Variants in MAGI1 observed in about 807,000 individuals in gnomAD.
MAGI1 encodes membrane associated guanylate kinase, WW and PDZ domain containing 1, also known as membrane-associated guanylate kinase, WW and PDZ domain-containing protein 1.
Under a neutral mutation model 139.9 loss-of-function variants are expected in MAGI1, and 58 were observed. The observed-to-expected ratio is 0.41, with a 90% CI of 0.34 to 0.52. MAGI1 has a LOEUF of 0.52. Ranked by LOEUF, MAGI1 falls within the 20% of genes least tolerant of loss-of-function variation. The pLI, the probability that MAGI1 is intolerant of heterozygous loss-of-function variation, is 0.12. For missense variants in MAGI1, 1,874 were observed against 1,901.6 expected (o/e 0.99, Z 0.27); for synonymous variants, 812 against 737.9 (o/e 1.10, Z -1.63).
At chr3:66,016,080 T>G (rs1055488788) in intron 1 of MAGI1, among the ~76,000 whole-genome samples, 3 of 151,980 alleles carry the variant, frequency 2.0e-5, no homozygotes, top group Non-Finnish European at 4.4e-5. Flanking sequence ...AAACCCAGAG[T>G]GTTAAAACAG....
chr3:65,505,609 T>C (rs2077251068), intron 2 of MAGI1, among the ~76,000 whole-genome samples: 1 of 150,242 alleles, frequency 6.7e-6, no homozygotes, highest in African/African-American at 2.4e-5. Flanking sequence ...ATCGTGCCAC[T>C]GCACTCCAGC....
chr3:65,691,308 A>AAAAAAAAAAAAAAAAAAAAATT (rs1383101472), intron 1 of MAGI1, among the ~76,000 whole-genome samples: 45 of 135,002 alleles, frequency 3.3e-4, no homozygotes, highest in Non-Finnish European at 6.7e-4. Flanking sequence ...GTCTCAAAAA[A>AAAAAAAAAAAAAAAAAAAAATT]AAAAAAAGAA....
intron 1 of MAGI1, among the ~76,000 whole-genome samples, chr3:65,702,921 A>C (rs1388038620): frequency 2.0e-5 from 3 of 151,986 alleles, no homozygotes; most frequent in Non-Finnish European, 4.4e-5. Context: ...GGTGGTGAGA[A>C]ACCGTCTTCC....
At chr3:65,980,945 G>A (rs941415763) in intron 1 of MAGI1, among the ~76,000 whole-genome samples, 2 of 152,040 alleles carry the variant, frequency 1.3e-5, no homozygotes, top group African/African-American at 4.8e-5. Context: ...GATCACTTGA[G>A]GTCAGGAGTT....
intron 10 of MAGI1, among the ~76,000 whole-genome samples, chr3:65,434,475 T>G (rs572531913): frequency 2.6e-5 from 4 of 152,146 alleles, no homozygotes; most frequent in East Asian, 1.9e-4. Flanking sequence ...TTGCTAAGAT[T>G]AGAAGTACAC....
chr3:65,506,920 C>A (rs933238328), intron 2 of MAGI1, among the ~76,000 whole-genome samples: 1 of 152,166 alleles, frequency 6.6e-6, no homozygotes, highest in African/African-American at 2.4e-5. Flanking sequence ...CAAATACATT[C>A]GTTCTCAGTT....
rs937946441 is a variant in MAGI1 at position 65,994,868 on chromosome 3, C to T, written c.313+43128G>A. On this transcript the variant is annotated intron_variant, in intron 1 of 22. Coordinates refer to ENST00000402939, the MANE Select transcript of MAGI1 (RefSeq NM_001033057.2). Reference sequence around the variant, plus strand: ...AGCCAACAGCTGACTGTAACTTACACACATCAATGAATGAACAAACTTCAA... The same window carrying T: ...AGCCAACAGCTGACTGTAACTTACATACATCAATGAATGAACAAACTTCAA... Among the ~76,000 whole-genome samples the T allele has an allele frequency of 3.3e-5, 5 of 152,238 alleles. No homozygotes were observed. The South Asian group carries it at 1.0e-3, about 32-fold the overall frequency.
chr3:65,481,208 G>T, intron 3 of MAGI1, among the ~76,000 whole-genome samples: 1 of 152,156 alleles, frequency 6.6e-6, no homozygotes. Flanking sequence ...ACAGGCGCTA[G>T]AATTGAGTCG....
intron 2 of MAGI1, among the ~76,000 whole-genome samples, chr3:65,541,359 C>A (rs1041616391): frequency 1.3e-5 from 2 of 152,190 alleles, no homozygotes; most frequent in African/African-American, 2.4e-5. Flanking sequence ...AGAGCTGATA[C>A]CATTGCTTCT....
chr3:65,836,584 G>C (rs1314520383), intron 1 of MAGI1, among the ~76,000 whole-genome samples: 1 of 149,994 alleles, frequency 6.7e-6, no homozygotes, highest in Non-Finnish European at 1.5e-5. Context: ...ACTTTGGGAG[G>C]CTGAGGCGGG....
chr3:65,566,008 C>G (rs562047690), intron 2 of MAGI1, among the ~76,000 whole-genome samples: 2 of 152,046 alleles, frequency 1.3e-5, no homozygotes, highest in Non-Finnish European at 2.9e-5. Flanking sequence ...ATAATCCCAG[C>G]ACTTTGGGAG....
intron 1 of MAGI1, among the ~76,000 whole-genome samples, chr3:65,900,267 G>A (rs756019324): frequency 6.6e-6 from 1 of 152,020 alleles, no homozygotes; most frequent in South Asian, 2.1e-4. Flanking sequence ...CCATCACCCA[G>A]GACATAAAAG....
chr3:65,802,702 C>A (rs1559896965), intron 1 of MAGI1, among the ~76,000 whole-genome samples: 1 of 152,152 alleles, frequency 6.6e-6, no homozygotes, highest in African/African-American at 2.4e-5. Context: ...AAAACAAACA[C>A]TGAATTAGGT....
At chr3:65,643,616 C>A (rs1338648001) in intron 1 of MAGI1, among the ~76,000 whole-genome samples, 4 of 151,988 alleles carry the variant, frequency 2.6e-5, no homozygotes, top group African/African-American at 9.7e-5. Context: ...AGAATCAGAG[C>A]TGAAGAACCC....
At chr3:65,621,598 A>G (rs963907924) in intron 2 of MAGI1, among the ~76,000 whole-genome samples, 1 of 152,182 alleles carries the variant, frequency 6.6e-6, no homozygotes, top group Non-Finnish European at 1.5e-5. Context: ...TACTCCATTA[A>G]TAACAGCAAA....
chr3:66,006,185 C>A (rs2067003388), intron 1 of MAGI1, among the ~76,000 whole-genome samples: 1 of 152,148 alleles, frequency 6.6e-6, no homozygotes, highest in African/African-American at 2.4e-5. Context: ...AGCTGTCCAC[C>A]AGACAGGAAC....
At chr3:65,847,170 T>C (rs770849600) in intron 1 of MAGI1, among the ~76,000 whole-genome samples, 1 of 152,054 alleles carries the variant, frequency 6.6e-6, no homozygotes, top group South Asian at 2.1e-4. Flanking sequence ...AAAAATCCTA[T>C]CAGCTAAAAG....
At chr3:65,625,272 AAGCT>A (rs1343148183) in intron 1 of MAGI1, among the ~76,000 whole-genome samples, 1 of 152,246 alleles carries the variant, frequency 6.6e-6, no homozygotes, top group Non-Finnish European at 1.5e-5. Flanking sequence ...TATTATATGT[AAGCT>A]ATACCAATAA....
At position 65,368,157 on chromosome 3, in the gene MAGI1, C is replaced by T. The variant is rs1483902968; in HGVS notation, c.3197-3211G>A. On this transcript the variant is annotated intron_variant, in intron 18 of 22. Coordinates refer to ENST00000402939, the MANE Select transcript of MAGI1 (RefSeq NM_001033057.2). ...ATCCCAAAGCAAAATTGACTACTTA[C>T]GGTGGAAAAAATATAAAAGAAGGGC... 4.6e-5 allele frequency among the ~76,000 whole-genome samples: 7 copies of T among 152,166 alleles called. No individual in the cohort carries two copies. The East Asian group carries it at 5.8e-4, about 13-fold the overall frequency.
Sources: allele counts gnomAD v4.1 joint callset (sites outside exome capture counted in the v4.1 genomes callset), GRCh38; gene constraint gnomAD v4.1.1; transcripts MANE v1.5; gene names NCBI Gene and HGNC (gene_info 2026-07-23, HGNC 2026-07-21).